The following C12orf54 variants were observed in gnomAD, a reference collection of about 807,000 sequenced individuals.
The protein encoded by C12orf54 is chromosome 12 open reading frame 54, also known as uncharacterized protein C12orf54.
In C12orf54, 24 loss-of-function variants were observed where a neutral mutation model predicts 26.4. That is an observed-to-expected ratio of 0.91 (90% confidence interval 0.66 to 1.28). C12orf54 has a LOEUF of 1.28. Ranked by LOEUF, C12orf54 falls within the 50% of genes most tolerant of loss-of-function variation. C12orf54 has a pLI of 0.00. For synonymous variants in C12orf54, 54 were observed against 47.0 expected, an observed-to-expected ratio of 1.15 and a Z score of -0.61; for missense variants, 154 against 150.9, an observed-to-expected ratio of 1.02 and a Z score of -0.11.
chr12:48,472,611 G>A, the C12orf54 span: 3 of 1,606,234 alleles, frequency 1.9e-6, no homozygotes, highest in South Asian at 1.1e-5. Flanking sequence ...TGGGTTCGGG[G>A]TTTATTGGTT....
the C12orf54 span, among the ~76,000 whole-genome samples, chr12:48,453,179 T>G: frequency 6.6e-6 from 1 of 152,182 alleles, no homozygotes; most frequent in Non-Finnish European, 1.5e-5. Flanking sequence ...GAGATCATGT[T>G]CTTTGCAGGA....
chr12:48,423,387 T>G, the C12orf54 span, among the ~76,000 whole-genome samples: 2 of 152,018 alleles, frequency 1.3e-5, no homozygotes, highest in Non-Finnish European at 2.9e-5. Context: ...TATTTGACAT[T>G]CCAAGAATAC....
the C12orf54 span, chr12:48,473,128 C>A: frequency 6.2e-7 from 1 of 1,608,688 alleles, no homozygotes; most frequent in Non-Finnish European, 8.5e-7. Context: ...GACAAGGAGG[C>A]CCCTAACTCG....
At chr12:48,425,852 T>C in the C12orf54 span, among the ~76,000 whole-genome samples, 45 of 152,086 alleles carry the variant, frequency 3.0e-4, no homozygotes, top group Admixed American at 2.0e-3. Flanking sequence ...TTTTTATATA[T>C]ACTTGCTGGC....
chr12:48,464,599 C>T, the C12orf54 span, among the ~76,000 whole-genome samples: 2 of 152,032 alleles, frequency 1.3e-5, no homozygotes, highest in African/African-American at 2.4e-5. Flanking sequence ...CAAAAAAGTG[C>T]CCATATAGCC....
At chr12:48,475,339 T>C in the C12orf54 span, among the ~76,000 whole-genome samples, 1 of 151,966 alleles carries the variant, frequency 6.6e-6, no homozygotes, top group Non-Finnish European at 1.5e-5. Context: ...TCAGAGCACC[T>C]CTCCTCCTCC....
chr12:48,457,356 T>A, the C12orf54 span, among the ~76,000 whole-genome samples: 2 of 151,990 alleles, frequency 1.3e-5, no homozygotes, highest in African/African-American at 4.8e-5. Flanking sequence ...TTTTTTGAGA[T>A]GGAGTTTCAC....
At chr12:48,453,362 A>C in the C12orf54 span, among the ~76,000 whole-genome samples, 2 of 151,580 alleles carry the variant, frequency 1.3e-5, no homozygotes, top group African/African-American at 4.8e-5. Flanking sequence ...GAAGAGGGAG[A>C]GGATCAGGAA....
At chr12:48,457,012 G>A in the C12orf54 span, among the ~76,000 whole-genome samples, 2 of 152,004 alleles carry the variant, frequency 1.3e-5, no homozygotes, top group African/African-American at 4.8e-5. Context: ...TCCTTTCTTG[G>A]TGGTTTCTAG....
the C12orf54 span, chr12:48,442,007 G>C: frequency 6.6e-6 from 1 of 152,188 alleles, no homozygotes; most frequent in Admixed American, 6.5e-5. Context: ...TCATCATTCT[G>C]ATTTCATAAG....
Position 48,488,042 on chromosome 12 carries a change from G to A in C12orf54, c.136-882G>A, listed in dbSNP as rs539554625. The A allele has an allele frequency of 3.9e-5, 38 of 965,642 alleles. No individual in the cohort carries two copies. In the Admixed American group the frequency reaches 5.1e-4, roughly 13 times the overall value. 59.8% of individuals were successfully genotyped at this position (965,642 alleles called of 1,614,324 possible). On this transcript the variant is annotated intron_variant, in intron 4 of 8. Coordinates refer to ENST00000548364, the MANE Select transcript of C12orf54 (RefSeq NM_152319.4). ...AGGATGTCGACATGCCTAAGCACCC[G>A]GAGCTGGCAGACAAGAATGTGCCCA...
chr12:48,444,034 G>A, the C12orf54 span, among the ~76,000 whole-genome samples: 1 of 152,142 alleles, frequency 6.6e-6, no homozygotes, highest in East Asian at 1.9e-4. Flanking sequence ...CAAATCCAGA[G>A]GTCCAGACTA....
the C12orf54 span, among the ~76,000 whole-genome samples, chr12:48,449,811 A>G: frequency 1.3e-5 from 2 of 151,730 alleles, no homozygotes; most frequent in African/African-American, 2.4e-5. Context: ...GTCCCCACCC[A>G]AATCTCAACT....
chr12:48,462,376 T>A, the C12orf54 span, among the ~76,000 whole-genome samples: 1 of 151,484 alleles, frequency 6.6e-6, no homozygotes. Context: ...AAGGAATACT[T>A]CTCAATTAAT....
chr12:48,423,967 T>C, the C12orf54 span, among the ~76,000 whole-genome samples: 8 of 152,112 alleles, frequency 5.3e-5, no homozygotes, highest in Admixed American at 1.3e-4. Context: ...ATGGTAGATG[T>C]TAATTTTTAA....
chr12:48,432,704 T>C, the C12orf54 span, among the ~76,000 whole-genome samples: 1 of 152,144 alleles, frequency 6.6e-6, no homozygotes, highest in African/African-American at 2.4e-5. Context: ...ATCCCATCTC[T>C]ACTAAAAGTA....
At chr12:48,460,029 G>A in the C12orf54 span, among the ~76,000 whole-genome samples, 1 of 152,152 alleles carries the variant, frequency 6.6e-6, no homozygotes, top group Non-Finnish European at 1.5e-5. Context: ...GTACAGGATG[G>A]CCTAAAGCCT....
At chr12:48,485,542 A>T (rs1954250043) in intron 2 of C12orf54, among the ~76,000 whole-genome samples, 1 of 152,152 alleles carries the variant, frequency 6.6e-6, no homozygotes, top group Non-Finnish European at 1.5e-5. Flanking sequence ...GGTAGAGCAG[A>T]CTGGTTGCCC....
the C12orf54 span, among the ~76,000 whole-genome samples, chr12:48,441,464 AG>A: frequency 6.6e-6 from 1 of 152,146 alleles, no homozygotes; most frequent in East Asian, 1.9e-4. Flanking sequence ...CCGTCTTAAA[AG>A]AAAAAAAAAT....
Sources: gnomAD v4.1 joint callset for allele counts (sites outside exome capture counted in the v4.1 genomes callset) on GRCh38, gnomAD v4.1.1 for gene constraint, MANE v1.5 for transcripts, NCBI Gene and HGNC (gene_info 2026-07-23, HGNC 2026-07-21) for gene names.